Variants in RAB14 observed in about 807,000 individuals in gnomAD.
RAB14 encodes ras-related protein Rab-14.
In RAB14, 3 loss-of-function variants were observed where a neutral mutation model predicts 31.1. The observed-to-expected ratio is 0.10, with a 90% CI of 0.04 to 0.25. The LOEUF (loss-of-function observed/expected upper bound fraction) is 0.25, where lower values mean the gene tolerates loss of function less well. RAB14 is among the 10% of genes least tolerant of loss of function. The pLI is 1.00. For synonymous variants in RAB14, 85 were observed against 84.9 expected (o/e 1.00, Z 0.00); for missense variants, 111 against 260.1 (o/e 0.43, Z 3.94).
At chr9:121,181,744 CTTTTTTTTTTTT>C (rs3838268) in intron 7 of RAB14, among the ~76,000 whole-genome samples, 171 bp from the exon 8 acceptor site, 3 of 102,900 alleles carry the variant, frequency 2.9e-5, no homozygotes, top group East Asian at 5.8e-4. Context: ...AACTATTTTC[CTTTTTTTTTTTT>C]TTTTTTTTTT....
intron 4 of RAB14, among the ~76,000 whole-genome samples, chr9:121,189,359 T>A (rs2053674603): frequency 6.6e-6 from 1 of 152,144 alleles, no homozygotes; most frequent in Non-Finnish European, 1.5e-5. Context: ...AGTTTTTAAT[T>A]ATGTGAAGTC....
intron 1 of RAB14, among the ~76,000 whole-genome samples, 170 bp downstream of exon 1, chr9:121,201,469 G>A (rs2053780096): frequency 1.3e-5 from 2 of 152,064 alleles, no homozygotes; most frequent in Non-Finnish European, 2.9e-5. Context: ...TGTCAGGCCG[G>A]CGCCGCGGCG....
At chr9:121,189,366 A>G (rs1472018850) in intron 4 of RAB14, among the ~76,000 whole-genome samples, 1 of 152,172 alleles carries the variant, frequency 6.6e-6, no homozygotes, top group Non-Finnish European at 1.5e-5. Flanking sequence ...AATTATGTGA[A>G]GTCTTCAGAA....
At chr9:121,185,700 CT>C (rs1319448441) in intron 5 of RAB14, among the ~76,000 whole-genome samples, 8 of 152,176 alleles carry the variant, frequency 5.3e-5, no homozygotes, top group South Asian at 2.1e-4. Flanking sequence ...GTATGATGCC[CT>C]TGAGAACCAG....
At chr9:121,188,357 C>G (rs1464399952) in intron 4 of RAB14, among the ~76,000 whole-genome samples, 1 of 151,854 alleles carries the variant, frequency 6.6e-6, no homozygotes, top group Non-Finnish European at 1.5e-5. Flanking sequence ...AATTTCAAAG[C>G]TGACACAGAG....
intron 4 of RAB14, among the ~76,000 whole-genome samples, chr9:121,189,110 G>C (rs2053673412): frequency 6.6e-6 from 1 of 152,034 alleles, no homozygotes; most frequent in African/African-American, 2.4e-5. Flanking sequence ...CATCTATGTT[G>C]TGGCCTGTAT....
intron 1 of RAB14, among the ~76,000 whole-genome samples, chr9:121,196,746 C>T (rs945333378): frequency 2.6e-5 from 4 of 152,158 alleles, no homozygotes; most frequent in Admixed American, 2.6e-4. Flanking sequence ...GAATTACATT[C>T]AGAGGATGCA....
At chr9:121,192,127 C>G in intron 3 of RAB14, 44 bp downstream of exon 3, 1 of 1,359,888 alleles carries the variant, frequency 7.4e-7, no homozygotes, top group Non-Finnish European at 1.0e-6. Flanking sequence ...AGAAACATGG[C>G]GATAAAGAAA....
At position 121,178,143 on chromosome 9, in the gene RAB14, C is replaced by T. The variant is rs572538156; in HGVS notation, c.*3253G>A. On this transcript the variant is annotated 3_prime_UTR_variant, in exon 8 of 8. Transcript: ENST00000373840. ...AGCACAGTGCAGTCATCCCTCACCA[C>T]CAAGGTTTTTATTCCAAAACAGTTA... The T allele has an allele frequency of 3.4e-4, 52 of 152,302 alleles. No homozygotes were observed. Among genetic ancestry groups the T allele is most frequent in the African/African-American group, 1.2e-3 (51 of 41,560 alleles). The allele number at this position is 152,302 out of a possible 1,614,324, so 9.4% of individuals were successfully genotyped here.
intron 1 of RAB14, among the ~76,000 whole-genome samples, chr9:121,200,957 T>C (rs2053765533): frequency 6.6e-6 from 1 of 152,206 alleles, no homozygotes. Flanking sequence ...CTTTCTCTTA[T>C]TTCTAGATGC....
At chr9:121,181,605 CCA>C (rs768510077) in intron 7 of RAB14, 32 bp from the exon 8 acceptor site, 1 of 1,547,844 alleles carries the variant, frequency 6.5e-7, no homozygotes, top group Non-Finnish European at 8.9e-7. Flanking sequence ...TATTGGAGAA[CCA>C]CAGTTTTCTA....
At chr9:121,192,677 T>C (rs890644095) in intron 2 of RAB14, among the ~76,000 whole-genome samples, 1 of 152,122 alleles carries the variant, frequency 6.6e-6, no homozygotes, top group Non-Finnish European at 1.5e-5. Flanking sequence ...CTTCTTGTAT[T>C]ATTCTATGAA....
chr9:121,196,275 G>A (rs775691396), intron 1 of RAB14, among the ~76,000 whole-genome samples: 5 of 151,878 alleles, frequency 3.3e-5, no homozygotes, highest in Admixed American at 2.6e-4. Context: ...GAAAGTATTC[G>A]AATCAAGTTC....
chr9:121,193,837 A>G (rs1765441906), intron 1 of RAB14, among the ~76,000 whole-genome samples: 1 of 152,160 alleles, frequency 6.6e-6, no homozygotes, highest in Admixed American at 6.5e-5. Context: ...GTAAGTTACT[A>G]ATGATCTACT....
chr9:121,191,487 T>C (rs1218784457), intron 3 of RAB14, among the ~76,000 whole-genome samples: 2 of 152,100 alleles, frequency 1.3e-5, no homozygotes, highest in Non-Finnish European at 2.9e-5. Flanking sequence ...ATTACAGGCA[T>C]GAGCCACCAC....
chr9:121,197,811 T>A (rs972922069), intron 1 of RAB14, among the ~76,000 whole-genome samples: 4 of 152,220 alleles, frequency 2.6e-5, no homozygotes, highest in Non-Finnish European at 4.4e-5. Flanking sequence ...CAGGTATTAG[T>A]GCATTTAATG....
At chr9:121,182,839 T>C (rs1564318463) in intron 7 of RAB14, 91 bp downstream of exon 7, 3 of 940,314 alleles carry the variant, frequency 3.2e-6, no homozygotes, top group East Asian at 2.9e-5. Flanking sequence ...GTACTTTATA[T>C]GTGTATATAC....
At chr9:121,196,591 T>C (rs2053718256) in intron 1 of RAB14, among the ~76,000 whole-genome samples, 1 of 152,118 alleles carries the variant, frequency 6.6e-6, no homozygotes, top group Non-Finnish European at 1.5e-5. Context: ...CTAGGACTGT[T>C]TTAACTACAG....
rs2053631535 is a variant in RAB14, at chr9:121,181,249, TTG to T, written c.*145_*146del. On this transcript the variant is annotated 3_prime_UTR_variant, in exon 8 of 8. Transcript: ENST00000373840. ...CATCTAGTTGTTTAGCAGTTTAGTA[TTG>T]TGTTAAACTGTTTTTACAACAGAGT... 1.3e-6 allele frequency: 1 copy of T among 779,184 alleles called. No individual in the cohort carries two copies. The highest frequency in any genetic ancestry group is 3.7e-5 in the South Asian group (1 of 26,866). 48.3% of individuals were successfully genotyped at this position (779,184 alleles called of 1,614,324 possible). A position where few individuals can be genotyped will look rare whatever the true frequency, so the allele number is the denominator to read the frequency against.
Sources: gnomAD v4.1 joint callset for allele counts (sites outside exome capture counted in the v4.1 genomes callset) on GRCh38, gnomAD v4.1.1 for gene constraint, MANE v1.5 for transcripts, NCBI Gene and HGNC (gene_info 2026-07-23, HGNC 2026-07-21) for gene names.